The following ZFYVE16 variants were observed in gnomAD, a reference collection of about 807,000 sequenced individuals.
ZFYVE16 encodes the protein zinc finger FYVE domain-containing protein 16.
Under a neutral mutation model 138.1 loss-of-function variants are expected in ZFYVE16, and 89 were observed. The observed-to-expected ratio is 0.64, with a 90% CI of 0.54 to 0.77. The LOEUF (loss-of-function observed/expected upper bound fraction) is 0.77, where lower values mean the gene tolerates loss of function less well. Ranked by LOEUF, ZFYVE16 falls within the 30% of genes least tolerant of loss-of-function variation. ZFYVE16 has a pLI of 0.00. For synonymous variants in ZFYVE16, 596 were observed against 618.3 expected, an observed-to-expected ratio of 0.96 and a Z score of 0.53; for missense variants, 1,793 against 1,786.7, an observed-to-expected ratio of 1.00 and a Z score of -0.06.
Position 80,456,248 on chromosome 5 carries a change from A to G in ZFYVE16, c.3691-213A>G, listed in dbSNP as rs1413544581. On this transcript the variant is annotated intron_variant, in intron 12 of 18. Transcript: ENST00000505560. ...CCCTGTTACCATAGAAAAATGTTTC[A>G]GTGGACTCACTTTTATTTATCCATG... 2.0e-5 allele frequency: 8 copies of G among 396,386 alleles called. No homozygotes were observed. In the East Asian group the frequency reaches 3.0e-4, roughly 15 times the overall value. The allele number at this position is 396,386 out of a possible 1,614,324, so 24.6% of individuals were successfully genotyped here. A position where few individuals can be genotyped will look rare whatever the true frequency, so the allele number is the denominator to read the frequency against.
intron 15 of ZFYVE16, among the ~76,000 whole-genome samples, chr5:80,470,064 C>CATGTGT (rs1491317422): frequency 6.7e-5 from 4 of 59,498 alleles, no homozygotes; most frequent in African/African-American, 1.9e-4. Context: ...TGTATATATA[C>CATGTGT]GTGTGTGTGT....
rs1000793004 is a variant in ZFYVE16 at position 80,479,842 on chromosome 5, T to C, written c.*2465T>C. Among the ~76,000 whole-genome samples, 5 of 152,076 alleles carry C rather than the reference T, an allele frequency of 3.3e-5. No homozygotes were observed. Among genetic ancestry groups the C allele is most frequent in the African/African-American group, 1.2e-4 (5 of 41,400 alleles). Reference sequence around the variant, plus strand: ...ACCTAACAGGAGACCCTCCACACAATAGGCTGAGACTCCCAAATACTTTCA... The same window carrying C: ...ACCTAACAGGAGACCCTCCACACAACAGGCTGAGACTCCCAAATACTTTCA... On this transcript the variant is annotated 3_prime_UTR_variant, in exon 19 of 19. Coordinates refer to ENST00000505560, the MANE Select transcript of ZFYVE16 (RefSeq NM_001284236.3).
At chr5:80,429,167 A>G (rs367555288) in intron 2 of ZFYVE16, among the ~76,000 whole-genome samples, 1 of 152,186 alleles carries the variant, frequency 6.6e-6, no homozygotes. Flanking sequence ...ATTCACCAAA[A>G]TTGAAATGAA....
intron 1 of ZFYVE16, among the ~76,000 whole-genome samples, chr5:80,425,525 T>A (rs1747866179): frequency 6.6e-6 from 1 of 152,232 alleles, no homozygotes; most frequent in Admixed American, 6.5e-5. Flanking sequence ...ATTACAAATT[T>A]GTATAGTTTC....
At chr5:80,411,053 G>A (rs889480727) in intron 1 of ZFYVE16, among the ~76,000 whole-genome samples, 3 of 150,452 alleles carry the variant, frequency 2.0e-5, no homozygotes, top group East Asian at 3.9e-4. Context: ...TGCAACCTCC[G>A]CCTCCTGGGG....
intron 6 of ZFYVE16, among the ~76,000 whole-genome samples, chr5:80,443,498 C>G (rs1750951923): frequency 6.6e-6 from 1 of 152,160 alleles, no homozygotes; most frequent in African/African-American, 2.4e-5. Context: ...GAAGCAACCA[C>G]CACAACTGGA....
Position 80,472,858 on chromosome 5 carries a change from T to A in ZFYVE16, c.4122T>A (p.Asp1374Glu). 6.2e-7 allele frequency: 1 copy of A among 1,614,040 alleles called. No homozygotes were observed. Residue 1374 changes from aspartate to glutamate, a missense_variant, in exon 16 of 19, where the codon GAT (aspartate) becomes GAA (glutamate). By Grantham distance (45) the Asp-to-Glu change is conservative. Coordinates refer to ENST00000505560, the MANE Select transcript of ZFYVE16 (RefSeq NM_001284236.3). ...TTAAAATTACATGTGGGAAAGTTGA[T>A]GCAGTAGACCTGAGAGAATACGTGG... Reference protein sequence around the residue: ...KDFKITCGKVDAVDLREYVDI... With the variant: ...KDFKITCGKVEAVDLREYVDI...
chr5:80,419,620 G>A lies in ZFYVE16; in HGVS notation c.-93-7872G>A, dbSNP rs188570277. Among the ~76,000 whole-genome samples, 993 of 151,708 alleles carry A rather than the reference G, an allele frequency of 6.5e-3. 9 individuals are homozygous for A. Among genetic ancestry groups the A allele is most frequent in the African/African-American group, 0.023 (935 of 41,380 alleles). On this transcript the variant is annotated intron_variant, in intron 1 of 18. Transcript: ENST00000505560. ...TCTCGAACTCTTGACCTCATGATCCGCCTACCTCAGCCTCCCAGAGTGCTG... is the reference window on the plus strand; with the variant it reads ...TCTCGAACTCTTGACCTCATGATCCACCTACCTCAGCCTCCCAGAGTGCTG...
chr5:80,424,144 A>T (rs1478569297), intron 1 of ZFYVE16, among the ~76,000 whole-genome samples: 1 of 151,822 alleles, frequency 6.6e-6, no homozygotes, highest in Non-Finnish European at 1.5e-5. Flanking sequence ...ACGGGGTTTC[A>T]CCATGTTAGC....
At chr5:80,440,188 C>T in intron 5 of ZFYVE16, 156 bp downstream of exon 5, 1 of 1,248,556 alleles carries the variant, frequency 8.0e-7, no homozygotes, top group Non-Finnish European at 1.0e-6. Context: ...GGTTTCTCTT[C>T]TTTTTGTTCC....
rs749399880 is a variant in ZFYVE16 at position 80,477,306 on chromosome 5, G to A, written c.4549G>A (p.Gly1517Ser). 1.2e-6 allele frequency: 2 copies of A among 1,609,380 alleles called. No individual in the cohort carries two copies. The highest frequency in any genetic ancestry group is 1.1e-5 in the South Asian group (1 of 90,568). The part of the protein sequence containing the change: ...LDSALIPVIH[G>S]GTSNSSLPLE... ...TAGTGCTCTGATACCTGTGATCCAT[G>A]GTGGGACCTCCAACTCTAGTTTACC... is the stretch of plus-strand genomic sequence containing the variant. Residue 1517 changes from glycine to serine, a missense_variant, in exon 19 of 19, where the codon GGT (glycine) becomes AGT (serine). Around this residue, in one of 2 missense-constraint regions of ZFYVE16, gnomAD observed 498 missense variants for 582.4 expected, o/e 0.86. Coordinates refer to ENST00000505560, the MANE Select transcript of ZFYVE16 (RefSeq NM_001284236.3).
Position 80,441,924 on chromosome 5 carries a change from G to A in ZFYVE16, c.2420-1199G>A. 5.1e-6 allele frequency: 5 copies of A among 985,276 alleles called. No individual in the cohort carries two copies. In the South Asian group the frequency reaches 2.3e-4, roughly 46 times the overall value. 61.0% of individuals were successfully genotyped at this position (985,276 alleles called of 1,614,324 possible). ...ATGAAGAATCACTCAGCAGTATTCA[G>A]GCACTATTCTGCATTCTGAAGTTCA... On this transcript the variant is annotated intron_variant, in intron 5 of 18. Coordinates refer to ENST00000505560, the MANE Select transcript of ZFYVE16 (RefSeq NM_001284236.3).
intron 14 of ZFYVE16, among the ~76,000 whole-genome samples, chr5:80,457,928 AG>A (rs1752688722): frequency 6.7e-6 from 1 of 149,866 alleles, no homozygotes; most frequent in African/African-American, 2.5e-5. Flanking sequence ...TGGGAGGCTG[AG>A]GCGGGAGAAT....
intron 1 of ZFYVE16, 83 bp from the exon 2 acceptor site, chr5:80,427,409 T>A (rs1014223288): frequency 3.9e-5 from 6 of 152,112 alleles, no homozygotes; most frequent in Admixed American, 3.9e-4. Context: ...TTTCATTCAT[T>A]TGATGCTCAC....
At chr5:80,469,492 C>A (rs1214210637) in intron 15 of ZFYVE16, among the ~76,000 whole-genome samples, 1 of 152,152 alleles carries the variant, frequency 6.6e-6, no homozygotes, top group Non-Finnish European at 1.5e-5. Flanking sequence ...ATCCTCCCTC[C>A]TCAGCCTCCC....
intron 1 of ZFYVE16, 52 bp from the exon 2 acceptor site, chr5:80,427,440 C>A (rs1478995846): frequency 6.6e-6 from 1 of 151,928 alleles, no homozygotes; most frequent in Non-Finnish European, 1.5e-5. Context: ...TAAGCCAGTG[C>A]CCTTCAACTT....
chr5:80,457,943 G>A (rs1456098500), intron 14 of ZFYVE16, among the ~76,000 whole-genome samples: 6 of 151,306 alleles, frequency 4.0e-5, no homozygotes, highest in Middle Eastern at 3.4e-3. Flanking sequence ...GGAGAATGGC[G>A]TGAACCCGGG....
rs184311565 is a variant in ZFYVE16, at chr5:80,428,932, G to A, written c.-40+1387G>A. On this transcript the variant is annotated intron_variant, in intron 2 of 18. Transcript: ENST00000505560. ...AAAAGAATAAAAAGAAACGAACAAA[G>A]CCTCCAAGAAACATGGGACTGTGTG... 1.2e-3 allele frequency among the ~76,000 whole-genome samples: 186 copies of A among 152,286 alleles called. 2 individuals are homozygous for A. The highest frequency in any genetic ancestry group is 4.3e-3 in the African/African-American group (179 of 41,554).
In ZFYVE16 at chr5:80,443,201, A is replaced by G. The variant is rs762177213; in HGVS notation, c.2498A>G (p.Gln833Arg). The change falls in exon 6 of 19, where the codon CAG (glutamine) becomes CGG (arginine). Residue 833 changes from glutamine (Q) to arginine (R), a missense_variant. Physicochemically the swap from Gln to Arg is conservative, Grantham distance 43 (BLOSUM62 1). Transcript: ENST00000505560. ...CATTCTGATGAATGTACTACTGTCC[A>G]GCCTCCTCAGGAGAACCAAACATCC... ...SNHSDECTTVQPPQENQTSSI... is the reference protein window; with the variant it reads ...SNHSDECTTVRPPQENQTSSI... 6.2e-7 allele frequency: 1 copy of G among 1,609,872 alleles called. No individual in the cohort carries two copies. Among genetic ancestry groups the G allele is most frequent in the Non-Finnish European group, 8.5e-7 (1 of 1,179,026 alleles).
Sources: allele counts gnomAD v4.1 joint callset (sites outside exome capture counted in the v4.1 genomes callset), GRCh38; gene constraint gnomAD v4.1.1; regional missense constraint gnomAD v4.1.1; transcripts MANE v1.5; gene names NCBI Gene and HGNC (gene_info 2026-07-23, HGNC 2026-07-21).